KIAA1549: variants seen among roughly 807,000 people sequenced by gnomAD.
KIAA1549 encodes KIAA1549, also known as UPF0606 protein KIAA1549.
Under a neutral mutation model 156.4 loss-of-function variants are expected in KIAA1549, and 70 were observed. The ratio of observed to expected loss-of-function variants is 0.45; its 90% confidence interval spans 0.37 to 0.55. KIAA1549 has a LOEUF of 0.55. Ranked by LOEUF, KIAA1549 falls within the 20% of genes least tolerant of loss-of-function variation. The pLI, the probability that KIAA1549 is intolerant of heterozygous loss-of-function variation, is 0.00. For missense variants in KIAA1549, 2,428 were observed against 2,540.9 expected (o/e 0.96, Z 0.96); for synonymous variants, 1,103 against 1,066.4 (o/e 1.03, Z -0.67).
rs369258753 is a variant in KIAA1549, at chr7:138,916,909, C to A, written c.2717G>T (p.Ser906Ile). 1.2e-5 allele frequency: 20 copies of A among 1,613,108 alleles called. No homozygotes were observed. ...AGCACTACTCTCTGGGGGGCTCTGA[C>A]TTGCGGCGTCACCCATCAGGGTGGA... ...LDSTLMGDAA[S>I]QSPPESSAAP... The change falls in exon 2 of 20, where the codon AGT becomes ATT. Residue 906 changes from serine (S) to isoleucine (I), a missense_variant. By Grantham distance (142) the Ser-to-Ile change is moderately radical. Transcript: ENST00000422774.
intron 1 of KIAA1549, among the ~76,000 whole-genome samples, chr7:138,947,305 C>T (rs1301839953): frequency 6.6e-6 from 1 of 152,196 alleles, no homozygotes; most frequent in Non-Finnish European, 1.5e-5. Context: ...GAAGCACCTT[C>T]CGTCAGTACA....
chr7:138,902,746 T>C (rs1227137101), intron 8 of KIAA1549, among the ~76,000 whole-genome samples: 2 of 151,866 alleles, frequency 1.3e-5, no homozygotes, highest in Admixed American at 6.6e-5. Context: ...GAGGCAGATG[T>C]TGTAGTGAGC....
At position 138,833,487 on chromosome 7, in the gene KIAA1549, C is replaced by T. The variant is rs903834058; in HGVS notation, c.*4419G>A. On this transcript the variant is annotated 3_prime_UTR_variant, in exon 20 of 20. Transcript: ENST00000422774. ...GCTGGCTTTAGCCCAAAGCCTTTAG[C>T]GCCTACCTTCACCCGTGCTTTGCCT... is the stretch of plus-strand genomic sequence containing the variant. The T allele has an allele frequency of 1.3e-5, 3 of 232,378 alleles. No homozygotes were observed. Among genetic ancestry groups the T allele is most frequent in the African/African-American group, 4.4e-5 (2 of 45,300 alleles). The allele number at this position is 232,378 out of a possible 1,614,324, so 14.4% of individuals were successfully genotyped here. A position where few individuals can be genotyped will look rare whatever the true frequency, so the allele number is the denominator to read the frequency against.
In KIAA1549 at chr7:138,907,764, C is replaced by T. The variant is rs542555501; in HGVS notation, c.3277-662G>A. Reference sequence around the variant, plus strand: ...AAGACTGCCTCCTGAGGAAAACAAACTCCTGCCTAAGAGGACTATGGTGGG... The same window carrying T: ...AAGACTGCCTCCTGAGGAAAACAAATTCCTGCCTAAGAGGACTATGGTGGG... On this transcript the variant is annotated intron_variant, in intron 5 of 19. Coordinates refer to ENST00000422774, the MANE Select transcript of KIAA1549 (RefSeq NM_001164665.2). 3.3e-5 allele frequency among the ~76,000 whole-genome samples: 5 copies of T among 152,332 alleles called. No individual in the cohort carries two copies. In the South Asian group the frequency reaches 1.0e-3, roughly 32 times the overall value.
intron 1 of KIAA1549, among the ~76,000 whole-genome samples, chr7:138,937,606 G>A (rs773158143): frequency 6.6e-6 from 1 of 152,192 alleles, no homozygotes. Flanking sequence ...AAAGGATGAG[G>A]AGCCGAGAGA....
intron 15 of KIAA1549, among the ~76,000 whole-genome samples, chr7:138,864,014 C>A (rs111692111): frequency 1.1e-4 from 17 of 152,204 alleles, no homozygotes; most frequent in East Asian, 7.7e-4. Flanking sequence ...GATGAGGAAG[C>A]CTGGTCGGCA....
Position 138,917,505 on chromosome 7 carries a change from G to C in KIAA1549, c.2121C>G (p.Ile707Met). 1 of 1,613,760 alleles carries C rather than the reference G, an allele frequency of 6.2e-7. No individual in the cohort carries two copies. Among genetic ancestry groups the C allele is most frequent in the Non-Finnish European group, 8.5e-7 (1 of 1,179,856 alleles). The change falls in exon 2 of 20, where the codon ATC becomes ATG. Residue 707 changes from isoleucine to methionine, a missense_variant. This residue lies in a region of KIAA1549 where 762 missense variants were observed against 901.6 expected (regional missense o/e 0.85). Coordinates refer to ENST00000422774, the MANE Select transcript of KIAA1549 (RefSeq NM_001164665.2). ...QPSSELPLNT[I>M]MLLPSRSEVS... is the part of the protein sequence containing the mutation. ...CCTCAGAACGGCTAGGTAGCAACAT[G>C]ATGGTGTTTAAAGGCAGCTCGGAAC... is the stretch of plus-strand genomic sequence containing the variant.
intron 1 of KIAA1549, among the ~76,000 whole-genome samples, chr7:138,920,791 G>T (rs2130487076): frequency 6.6e-6 from 1 of 152,310 alleles, no homozygotes; most frequent in East Asian, 1.9e-4. Flanking sequence ...GAACATACCT[G>T]TGTGAAATGG....
rs552566092 is a variant in KIAA1549 at position 138,869,043 on chromosome 7, C to T, written c.4775+495G>A. 1.8e-4 allele frequency among the ~76,000 whole-genome samples: 27 copies of T among 152,288 alleles called. No individual in the cohort carries two copies. The East Asian group carries it at 3.1e-3, about 17-fold the overall frequency. On this transcript the variant is annotated intron_variant, in intron 14 of 19. Coordinates refer to ENST00000422774, the MANE Select transcript of KIAA1549 (RefSeq NM_001164665.2). ...TGTCGGGGACGGGAGTCTGGGAGAC[C>T]AGGGGAAGGTAAGACCCCAGACCCT...
At chr7:138,949,426 ATTT>A (rs1813430983) in intron 1 of KIAA1549, among the ~76,000 whole-genome samples, 2 of 152,162 alleles carry the variant, frequency 1.3e-5, no homozygotes, top group African/African-American at 4.8e-5. Flanking sequence ...GTAAAATTTA[ATTT>A]TTATTTTTAA....
intron 17 of KIAA1549, among the ~76,000 whole-genome samples, chr7:138,849,642 C>T (rs182422157): frequency 1.3e-3 from 190 of 151,856 alleles, no homozygotes; most frequent in African/African-American, 4.2e-3. Context: ...GTTTGTGGTA[C>T]AGATTATTTC....
intron 1 of KIAA1549, among the ~76,000 whole-genome samples, chr7:138,950,079 G>C (rs1813450261): frequency 6.6e-6 from 1 of 152,176 alleles, no homozygotes; most frequent in African/African-American, 2.4e-5. Flanking sequence ...GCCATGTGCT[G>C]ACTTAATATT....
intron 1 of KIAA1549, among the ~76,000 whole-genome samples, chr7:138,944,037 G>A (rs1002048887): frequency 4.0e-5 from 6 of 151,086 alleles, no homozygotes; most frequent in Admixed American, 1.3e-4. Flanking sequence ...AAAGTGCTGG[G>A]ATTACAAGCT....
intron 12 of KIAA1549, among the ~76,000 whole-genome samples, chr7:138,875,518 T>C (rs1331327210): frequency 6.6e-6 from 1 of 151,536 alleles, no homozygotes; most frequent in African/African-American, 2.4e-5. Flanking sequence ...CGTGGTATGC[T>C]CCTGTAGTCC....
At chr7:138,967,027 T>C (rs1814045995) in intron 1 of KIAA1549, among the ~76,000 whole-genome samples, 1 of 152,164 alleles carries the variant, frequency 6.6e-6, no homozygotes, top group African/African-American at 2.4e-5. Context: ...CTGCAACTCG[T>C]CAGTCCAAGC....
At chr7:138,951,261 G>C (rs917308341) in intron 1 of KIAA1549, among the ~76,000 whole-genome samples, 1 of 152,032 alleles carries the variant, frequency 6.6e-6, no homozygotes, top group Admixed American at 6.5e-5. Flanking sequence ...CCTGAATCCC[G>C]GACAGGGCAT....
In KIAA1549 at chr7:138,864,150, G is replaced by A. The variant is rs1025617502; in HGVS notation, c.4930-2694C>T. Among the ~76,000 whole-genome samples, 11 of 152,162 alleles carry A rather than the reference G, an allele frequency of 7.2e-5. No homozygotes were observed. In the South Asian group the frequency reaches 8.3e-4, roughly 11 times the overall value. On this transcript the variant is annotated intron_variant, in intron 15 of 19. Coordinates refer to ENST00000422774, the MANE Select transcript of KIAA1549 (RefSeq NM_001164665.2). The stretch of plus-strand genomic sequence containing the variant: ...TCCTGGCGGTGATTCCGGTGGCTGC[G>A]TATGTGACTCTACTGCAAGGAAGCA...
chr7:138,852,324 G>A, intron 16 of KIAA1549, 55 bp from the exon 17 acceptor site: 1 of 1,190,286 alleles, frequency 8.4e-7, no homozygotes, highest in Non-Finnish European at 1.2e-6. Flanking sequence ...ATTATAAAGT[G>A]ACAACAGCAA....
intron 1 of KIAA1549, among the ~76,000 whole-genome samples, chr7:138,944,907 C>T (rs551778919): frequency 4.1e-4 from 62 of 152,330 alleles, no homozygotes; most frequent in African/African-American, 1.5e-3. Context: ...GGACCCCTGT[C>T]CACTGCCCAC....
Sources: allele counts gnomAD v4.1 joint callset (sites outside exome capture counted in the v4.1 genomes callset), GRCh38; gene constraint gnomAD v4.1.1; regional missense constraint gnomAD v4.1.1; transcripts MANE v1.5; gene names NCBI Gene and HGNC (gene_info 2026-07-23, HGNC 2026-07-21).